LRRC56: variants seen among roughly 807,000 people sequenced by gnomAD.
LRRC56 encodes leucine rich repeat containing 56.
In LRRC56, 41 loss-of-function variants were observed where a neutral mutation model predicts 47.8. The ratio of observed to expected loss-of-function variants is 0.86; its 90% confidence interval spans 0.67 to 1.11. The LOEUF (loss-of-function observed/expected upper bound fraction) is 1.11, where lower values mean the gene tolerates loss of function less well. Ranked by LOEUF, LRRC56 falls within the 50% of genes most tolerant of loss-of-function variation. The pLI, the probability that LRRC56 is intolerant of heterozygous loss-of-function variation, is 0.00. For missense variants in LRRC56, 759 were observed against 704.2 expected, an observed-to-expected ratio of 1.08 and a Z score of -0.88; for synonymous variants, 387 against 311.2, an observed-to-expected ratio of 1.24 and a Z score of -2.56.
upstream of LRRC56, chr11:537,502 C>T (rs61877795): frequency 0.096 from 14,587 of 152,348 alleles, 965 homozygotes; most frequent in Admixed American, 0.19. Context: ...AGGCCGCAAC[C>T]CCGCGGCGGC....
Position 541,107 on chromosome 11 carries a change from G to A in LRRC56, c.177+246G>A, listed in dbSNP as rs1300150627. On this transcript the variant is annotated intron_variant, in intron 4 of 13. Transcript: ENST00000270115. This position sits in a 1 kb window ranked among gnomAD's most constrained non-coding sequence, Gnocchi z 4.1. ...GTGACACAGACGTCCCCAGGCATTT[G>A]GGTCACAGACAGGACTGAGCCAGGC... Among the ~76,000 whole-genome samples the A allele has an allele frequency of 6.6e-6, 1 of 152,166 alleles. No individual in the cohort carries two copies. Among genetic ancestry groups the A allele is most frequent in the Non-Finnish European group, 1.5e-5 (1 of 68,020 alleles).
chr11:552,001 C>T (rs1431636400), intron 11 of LRRC56, 34 bp downstream of exon 11: 1 of 1,611,752 alleles, frequency 6.2e-7, no homozygotes, highest in Non-Finnish European at 8.5e-7. Context: ...CCCACGAGAA[C>T]CAGTGTCCAG....
At chr11:507,941 G>A in the LRRC56 span, among the ~76,000 whole-genome samples, 1 of 152,264 alleles carries the variant, frequency 6.6e-6, no homozygotes, top group Non-Finnish European at 1.5e-5. Context: ...CGACACCCGA[G>A]CGTCGCCTGG....
rs781059754 is a variant in LRRC56 at position 551,993 on chromosome 11, C to G, written c.1038+26C>G. 6.2e-6 allele frequency: 10 copies of G among 1,612,038 alleles called. No homozygotes were observed. In the South Asian group the frequency reaches 7.7e-5, roughly 12 times the overall value. ...GTACAGCCCACAGGGACCAGCCCCC[C>G]ACGAGAACCAGTGTCCAGGGTTGCG... On this transcript the variant is annotated intron_variant, in intron 11 of 13. Transcript: ENST00000270115.
chr11:533,036 C>T (rs1466722683), upstream of LRRC56, among the ~76,000 whole-genome samples: 3 of 152,228 alleles, frequency 2.0e-5, no homozygotes, highest in African/African-American at 7.2e-5. Context: ...ACCCAGCTCT[C>T]GACTCAGCTA....
chr11:528,190 G>A, the LRRC56 span, among the ~76,000 whole-genome samples: 14 of 152,224 alleles, frequency 9.2e-5, no homozygotes, highest in Admixed American at 6.5e-4. Flanking sequence ...GAGAGTTTAC[G>A]CGTGGCCTTG....
chr11:536,379 A>G (rs935141357), upstream of LRRC56, among the ~76,000 whole-genome samples: 2 of 152,250 alleles, frequency 1.3e-5, no homozygotes. Flanking sequence ...GGCTCACCCC[A>G]AGCACATAGA....
At chr11:533,421 C>T (rs1478691219), upstream of LRRC56, 4 of 1,610,706 alleles carry the variant, frequency 2.5e-6, no homozygotes, top group Admixed American at 1.7e-5. Flanking sequence ...GGGCGGGTCC[C>T]TGGCTAGCTG....
the LRRC56 span, among the ~76,000 whole-genome samples, chr11:530,531 G>A: frequency 3.3e-5 from 3 of 89,692 alleles, no homozygotes; most frequent in South Asian, 8.9e-4. Context: ...AGAGAAGGGC[G>A]AGTGTGGCGT....
chr11:554,086 G>T lies in LRRC56; in HGVS notation c.1439G>T (p.Arg480Leu), dbSNP rs758847206. The T allele has an allele frequency of 1.1e-5, 17 of 1,608,456 alleles. No individual in the cohort carries two copies. The highest frequency in any genetic ancestry group is 1.4e-5 in the Non-Finnish European group (16 of 1,178,820). ...TDLQSRGRRLRVLGSWGPGLG... is the reference protein window; with the variant it reads ...TDLQSRGRRLLVLGSWGPGLG... ...CTGCAGTCCAGGGGGCGTCGGCTCC[G>T]AGTCCTGGGCAGCTGGGGGCCTGGC... The change falls in exon 14 of 14, where the codon CGA becomes CTA. Residue 480 changes from arginine (R) to leucine (L), a missense_variant. Transcript: ENST00000270115.
rs576590303 is a variant in LRRC56, at chr11:554,595, C to T, written c.*319C>T. ...CCGAGCAGGCCTGTGAGAGGCCTCT[C>T]CTGCTAGAATTGGGCATGGCCGAGG... On this transcript the variant is annotated 3_prime_UTR_variant, in exon 14 of 14. Coordinates refer to ENST00000270115, the MANE Select transcript of LRRC56 (RefSeq NM_198075.4). 8 of 411,660 alleles carry T rather than the reference C, an allele frequency of 1.9e-5. No homozygotes were observed. In the South Asian group the frequency reaches 2.9e-4, roughly 15 times the overall value. The allele number at this position is 411,660 out of a possible 1,614,324, so 25.5% of individuals were successfully genotyped here.
chr11:541,406 C>A lies in LRRC56; in HGVS notation c.178-131C>A. On this transcript the variant is annotated intron_variant, in intron 4 of 13. Transcript: ENST00000270115. This position sits in a 1 kb window ranked among gnomAD's most constrained non-coding sequence, Gnocchi z 4.1. The stretch of plus-strand genomic sequence containing the variant: ...CCCATCCCACCACCCAGGCCAGGGC[C>A]AACATGGCCCAGGCAGGGAAACGTC... 2.0e-6 allele frequency: 1 copy of A among 496,894 alleles called. No individual in the cohort carries two copies. Among genetic ancestry groups the A allele is most frequent in the Non-Finnish European group, 3.5e-6 (1 of 282,236 alleles). The allele number at this position is 496,894 out of a possible 1,614,324, so 30.8% of individuals were successfully genotyped here.
At chr11:544,373 G>A (rs1312956656) in intron 5 of LRRC56, among the ~76,000 whole-genome samples, 2 of 152,228 alleles carry the variant, frequency 1.3e-5, no homozygotes, top group African/African-American at 4.8e-5. Flanking sequence ...CATAGACAAT[G>A]GTCTGAGCTT....
chr11:522,327 G>T, the LRRC56 span, among the ~76,000 whole-genome samples: 2 of 152,004 alleles, frequency 1.3e-5, no homozygotes, highest in Non-Finnish European at 1.5e-5. Flanking sequence ...GTGCAGTGGC[G>T]CGATCTCAGC....
At chr11:548,451 TTTTGTTTG>T (rs56130745) in intron 6 of LRRC56, among the ~76,000 whole-genome samples, 2 of 150,726 alleles carry the variant, frequency 1.3e-5, no homozygotes, top group Non-Finnish European at 3.0e-5. Flanking sequence ...CAGCCTCAAG[TTTTGTTTG>T]TTTGTTTGTT....
chr11:532,940 G>A (rs1036329310), upstream of LRRC56, among the ~76,000 whole-genome samples: 1 of 152,172 alleles, frequency 6.6e-6, no homozygotes, highest in Admixed American at 6.5e-5. Context: ...AGGGCCACCC[G>A]CATCATGCTA....
upstream of LRRC56, among the ~76,000 whole-genome samples, chr11:532,951 C>CA (rs1564788193): frequency 6.6e-6 from 1 of 152,226 alleles, no homozygotes; most frequent in Admixed American, 6.5e-5. Flanking sequence ...CATCATGCTA[C>CA]AGCAGCCCCT....
chr11:527,806 T>C, the LRRC56 span, among the ~76,000 whole-genome samples: 1 of 151,694 alleles, frequency 6.6e-6, no homozygotes, highest in Non-Finnish European at 1.5e-5. Context: ...GTTCAATCGA[T>C]TCTCCTGCCT....
At position 554,526 on chromosome 11, in the gene LRRC56, T is replaced by G; in HGVS notation, c.*250T>G. ...AGGGTCCGGCTCCCCAGCCCTTCCT[T>G]AGGGCCAGGCTTTCCCGCGGGCACG... On this transcript the variant is annotated 3_prime_UTR_variant, in exon 14 of 14. Transcript: ENST00000270115. 1 of 405,746 alleles carries G rather than the reference T, an allele frequency of 2.5e-6. No individual in the cohort carries two copies. Among genetic ancestry groups the G allele is most frequent in the East Asian group, 3.7e-5 (1 of 27,164 alleles). The allele number at this position is 405,746 out of a possible 1,614,324, so 25.1% of individuals were successfully genotyped here. A position where few individuals can be genotyped will look rare whatever the true frequency, so the allele number is the denominator to read the frequency against.
Sources: gnomAD v4.1 joint callset for allele counts (sites outside exome capture counted in the v4.1 genomes callset) on GRCh38, gnomAD v4.1.1 for gene constraint, Gnocchi (gnomAD v3.1) non-coding constraint, MANE v1.5 for transcripts, NCBI Gene and HGNC (gene_info 2026-07-23, HGNC 2026-07-21) for gene names.